SIRT3: variants seen among roughly 807,000 people sequenced by gnomAD.
The protein encoded by SIRT3 is sirtuin 3.
SIRT3 carries 26 observed loss-of-function variants against 33.5 expected under a neutral mutation model. The ratio of observed to expected loss-of-function variants is 0.78; its 90% CI spans 0.57 to 1.08. The LOEUF (loss-of-function observed/expected upper bound fraction) is 1.08. SIRT3 is among the 50% of genes least tolerant of loss of function. The pLI, the probability that SIRT3 is intolerant of heterozygous loss-of-function variation, is 0.00. For synonymous variants in SIRT3, 237 were observed against 222.1 expected, an observed-to-expected ratio of 1.07 and a Z score of -0.60; for missense variants, 585 against 530.1, an observed-to-expected ratio of 1.10 and a Z score of -1.02.
intron 3 of SIRT3, 34 bp downstream of exon 3, chr11:232,949 G>A: frequency 6.2e-7 from 1 of 1,600,282 alleles, no homozygotes; most frequent in Non-Finnish European, 8.6e-7. Context: ...CTCCGTGGGA[G>A]AAAAAGAATG....
At chr11:235,421 G>A (rs1858856144) in intron 1 of SIRT3, among the ~76,000 whole-genome samples, 1 of 152,186 alleles carries the variant, frequency 6.6e-6, no homozygotes, top group African/African-American at 2.4e-5. Context: ...TGCCCAGGCT[G>A]CTCTTGAACT....
rs1856494863 is a variant in SIRT3 at position 221,913 on chromosome 11, G to C, written c.969+2165C>G. Among the ~76,000 whole-genome samples the C allele has an allele frequency of 2.0e-5, 3 of 152,208 alleles. No homozygotes were observed. In the South Asian group the frequency reaches 6.2e-4, roughly 31 times the overall value. ...ATTTGTACAAAAAAAAGAAAGCTGAGAGGACACAGAATAAAATGCTAACAG... is the reference window on the plus strand; with the variant it reads ...ATTTGTACAAAAAAAAGAAAGCTGACAGGACACAGAATAAAATGCTAACAG... On this transcript the variant is annotated intron_variant, in intron 5 of 6. Coordinates refer to ENST00000382743, the MANE Select transcript of SIRT3 (RefSeq NM_012239.6).
upstream of SIRT3, chr11:236,925 C>CT: frequency 1.3e-6 from 1 of 794,782 alleles, no homozygotes; most frequent in South Asian, 1.5e-5. Context: ...CGCCCCCGGC[C>CT]TGCTACGGCG....
chr11:226,478 G>A (rs7128988), intron 4 of SIRT3, among the ~76,000 whole-genome samples: 21,200 of 151,450 alleles, frequency 0.14, 1,673 homozygotes, highest in South Asian at 0.34. Flanking sequence ...GCATGATCTC[G>A]GTTCACTACA....
chr11:224,112 G>T lies in SIRT3; in HGVS notation c.935C>A (p.Ala312Glu). ...GGTCCCAAGGATGAGCAGCAGATCT[G>T]CCATGGGGAAATCAACCACATGCAG... ...FLLHVVDFPM[A>E]DLLLILGTSL... The change falls in exon 5 of 7, where the codon GCA becomes GAA. Residue 312 changes from alanine (A) to glutamate (E), a missense_variant. Ala to Glu is a moderately radical substitution (Grantham distance 107, BLOSUM62 -1). Transcript: ENST00000382743. The T allele has an allele frequency of 1.2e-6, 2 of 1,614,224 alleles. No individual in the cohort carries two copies.
rs879762252 is a variant in SIRT3, at chr11:223,559, C to A, written c.969+519G>T. On this transcript the variant is annotated intron_variant, in intron 5 of 6. Transcript: ENST00000382743. The surrounding 1 kb of genome is among the most constrained non-coding windows in gnomAD (Gnocchi z 4.8). ...TGTGGATTTATCACTCCTCCCACTG[C>A]AGCATCAGTATTCCTGATCTGACCT... 12 of 398,438 alleles carry A rather than the reference C, an allele frequency of 3.0e-5. No homozygotes were observed. The highest frequency in any genetic ancestry group is 5.3e-5 in the Non-Finnish European group (11 of 208,410). The allele number at this position is 398,438 out of a possible 1,614,324, so 24.7% of individuals were successfully genotyped here. A position where few individuals can be genotyped will look rare whatever the true frequency, so the allele number is the denominator to read the frequency against.
chr11:232,231 T>C (rs1409730932), intron 3 of SIRT3, among the ~76,000 whole-genome samples: 1 of 152,062 alleles, frequency 6.6e-6, no homozygotes, highest in Non-Finnish European at 1.5e-5. Context: ...GATTCTCCTG[T>C]CTCAGCCTCC....
intron 4 of SIRT3, among the ~76,000 whole-genome samples, chr11:230,027 A>T (rs1857701711): frequency 6.6e-6 from 1 of 151,910 alleles, no homozygotes; most frequent in East Asian, 1.9e-4. Context: ...AGCGAGAAAC[A>T]TTTTCAGGAA....
rs578251472 is a variant in SIRT3, at chr11:231,230, G to A, written c.707-678C>T. Among the ~76,000 whole-genome samples, 3 of 152,314 alleles carry A rather than the reference G, an allele frequency of 2.0e-5. No homozygotes were observed. The East Asian group carries it at 5.8e-4, about 29-fold the overall frequency. On this transcript the variant is annotated intron_variant, in intron 3 of 6. Transcript: ENST00000382743. ...AAGGCAGGAGGATCACTTGAGGCCA[G>A]GAGTTTGAGACCAGCCTCAGCAACA...
intron 3 of SIRT3, among the ~76,000 whole-genome samples, chr11:232,715 G>T (rs1858241508): frequency 6.6e-6 from 1 of 152,162 alleles, no homozygotes; most frequent in South Asian, 2.1e-4. Context: ...GTCAACTTCT[G>T]CCCAAAATAC....
Position 215,079 on chromosome 11 carries a change from A to G in SIRT3, c.*1619T>C, listed in dbSNP as rs938839974. On this transcript the variant is annotated 3_prime_UTR_variant, in exon 7 of 7. Coordinates refer to ENST00000382743, the MANE Select transcript of SIRT3 (RefSeq NM_012239.6). ...ACATACCACACATAGCCACAGAAACATCATCTTGAAATAAAGAAGAGTTTT... is the reference window on the plus strand; with the variant it reads ...ACATACCACACATAGCCACAGAAACGTCATCTTGAAATAAAGAAGAGTTTT... 5 of 154,466 alleles carry G rather than the reference A, an allele frequency of 3.2e-5. No individual in the cohort carries two copies. The highest frequency in any genetic ancestry group is 4.8e-5 in the African/African-American group (2 of 41,446). 9.6% of individuals were successfully genotyped at this position (154,466 alleles called of 1,614,324 possible). A position where few individuals can be genotyped will look rare whatever the true frequency, so the allele number is the denominator to read the frequency against.
chr11:229,322 G>A (rs1857586301), intron 4 of SIRT3, among the ~76,000 whole-genome samples: 1 of 152,056 alleles, frequency 6.6e-6, no homozygotes. Context: ...GTGTGTGCCT[G>A]TAGTCCCAGC....
intron 5 of SIRT3, among the ~76,000 whole-genome samples, chr11:220,276 G>A (rs1211777575): frequency 3.5e-5 from 5 of 141,318 alleles, no homozygotes; most frequent in Non-Finnish European, 6.0e-5. Context: ...GTTGCAGTGA[G>A]CCGAGATCGC....
intron 1 of SIRT3, chr11:234,102 T>C (rs10794302): frequency 0.79 from 120,283 of 152,376 alleles, 47,778 homozygotes; most frequent in African/African-American, 0.88. Flanking sequence ...CATTCCTCAT[T>C]TACGTAAATA....
Position 224,237 on chromosome 11 carries a change from A to G in SIRT3, c.810T>C (p.Ala270=). The G allele has an allele frequency of 1.2e-6, 2 of 1,613,946 alleles. No homozygotes were observed. Among genetic ancestry groups the G allele is most frequent in the Non-Finnish European group, 1.7e-6 (2 of 1,179,942 alleles). The change falls in exon 5 of 7, where the codon GCT becomes GCC. Residue 270 remains alanine (A), a splice_region_variant and synonymous_variant. Coordinates refer to ENST00000382743, the MANE Select transcript of SIRT3 (RefSeq NM_012239.6). ...GGGGAACCCTGTCTGCCATCACGTC[A>G]GCCTGGAAAACAGAGAAAACAGGCC... ...QRPFPGEDIR[A]DVMADRVPRC...
At chr11:236,451 G>A (rs1859170903), upstream of SIRT3, 9 of 598,826 alleles carry the variant, frequency 1.5e-5, no homozygotes, top group South Asian at 4.3e-4. Context: ...CCCGCCCCCG[G>A]CGCCCCGGTC....
chr11:215,429 G>A lies in SIRT3; in HGVS notation c.*1269C>T, dbSNP rs1246588928. ...AAAAATAAAAAAGGAACATTAACTA[G>A]GGTTAGAAACTAACTTCATTCTTTT... On this transcript the variant is annotated 3_prime_UTR_variant, in exon 7 of 7. Coordinates refer to ENST00000382743, the MANE Select transcript of SIRT3 (RefSeq NM_012239.6). The A allele has an allele frequency of 1.3e-5, 2 of 152,094 alleles. No individual in the cohort carries two copies. Among genetic ancestry groups the A allele is most frequent in the South Asian group, 2.1e-4 (1 of 4,832 alleles). 9.4% of individuals were successfully genotyped at this position (152,094 alleles called of 1,614,324 possible).
intron 6 of SIRT3, 144 bp from the exon 7 acceptor site, chr11:216,862 G>T: frequency 1.1e-6 from 1 of 909,936 alleles, no homozygotes; most frequent in Non-Finnish European, 1.8e-6. Context: ...CTGCTGCTGT[G>T]CTGGGCTAAG....
chr11:230,647 A>G, intron 3 of SIRT3, 95 bp from the exon 4 acceptor site: 1 of 746,382 alleles, frequency 1.3e-6, no homozygotes. Flanking sequence ...GACTCCTGGA[A>G]GGAGGCACAG....
Sources: allele counts gnomAD v4.1 joint callset (sites outside exome capture counted in the v4.1 genomes callset), GRCh38; gene constraint gnomAD v4.1.1; non-coding constraint Gnocchi (gnomAD v3.1); transcripts MANE v1.5; gene names NCBI Gene and HGNC (gene_info 2026-07-23, HGNC 2026-07-21).